Variants in UBAC2 observed in about 807,000 individuals in gnomAD.
UBAC2 encodes ubiquitin-associated domain-containing protein 2.
UBAC2 carries 26 observed loss-of-function variants against 44.0 expected under a neutral mutation model. The ratio of observed to expected loss-of-function variants is 0.59; its 90% CI spans 0.43 to 0.82. The LOEUF is 0.82. Among genes scored for constraint, UBAC2 ranks in the 40% least tolerant of loss-of-function variants. UBAC2 has a pLI of 0.00. For missense variants in UBAC2, 329 were observed against 419.4 expected (o/e 0.78, Z 1.88); for synonymous variants, 155 against 154.3 (o/e 1.00, Z -0.04).
chr13:99,253,393 A>C (rs2142758245), intron 4 of UBAC2, among the ~76,000 whole-genome samples: 1 of 152,320 alleles, frequency 6.6e-6, no homozygotes, highest in Non-Finnish European at 1.5e-5. Context: ...CGAACAGAAG[A>C]ATTGTACTAA....
chr13:99,317,744 A>C (rs923161038), intron 5 of UBAC2, among the ~76,000 whole-genome samples: 1 of 152,130 alleles, frequency 6.6e-6, no homozygotes, highest in Non-Finnish European at 1.5e-5. Flanking sequence ...AAATAACATC[A>C]TACTTGGGTT....
chr13:99,346,755 T>TGCCTGTCTCTCGTGGCACC (rs2044989521), intron 7 of UBAC2, among the ~76,000 whole-genome samples: 1 of 152,200 alleles, frequency 6.6e-6, no homozygotes, highest in Non-Finnish European at 1.5e-5. Context: ...CTGTAGACAC[T>TGCCTGTCTCTCGTGGCACC]GCCTGTCTCT....
chr13:99,347,025 C>G (rs904091483), intron 7 of UBAC2, among the ~76,000 whole-genome samples: 2 of 152,162 alleles, frequency 1.3e-5, no homozygotes, highest in African/African-American at 4.8e-5. Flanking sequence ...CGCCTGTAAT[C>G]CCAGCACTTT....
chr13:99,333,520 G>C (rs2044745848), intron 6 of UBAC2, among the ~76,000 whole-genome samples: 1 of 152,200 alleles, frequency 6.6e-6, no homozygotes, highest in Non-Finnish European at 1.5e-5. Flanking sequence ...ACAGTACTAT[G>C]TGCCAGACAC....
At chr13:99,324,511 T>G (rs1594128236) in intron 6 of UBAC2, among the ~76,000 whole-genome samples, 1 of 152,350 alleles carries the variant, frequency 6.6e-6, no homozygotes, top group Middle Eastern at 3.4e-3. Flanking sequence ...AGGAAAGAAA[T>G]CTTTGTTATA....
intron 4 of UBAC2, among the ~76,000 whole-genome samples, chr13:99,245,992 C>T (rs1233572922): frequency 6.6e-6 from 1 of 152,124 alleles, no homozygotes; most frequent in South Asian, 2.1e-4. Context: ...AATATAGATA[C>T]CAGATATTTA....
At chr13:99,233,749 A>G (rs549164448) in intron 1 of UBAC2, among the ~76,000 whole-genome samples, 3 of 152,218 alleles carry the variant, frequency 2.0e-5, no homozygotes, top group Non-Finnish European at 4.4e-5. Context: ...AGAATTATCA[A>G]AATTATCATT....
intron 1 of UBAC2, among the ~76,000 whole-genome samples, chr13:99,208,204 T>C (rs531123821): frequency 6.6e-6 from 1 of 151,790 alleles, no homozygotes. Context: ...TCCATGTTGG[T>C]CAGGCTGGTC....
At chr13:99,316,567 A>G (rs892347179) in intron 5 of UBAC2, among the ~76,000 whole-genome samples, 4 of 152,298 alleles carry the variant, frequency 2.6e-5, no homozygotes, top group South Asian at 2.1e-4. Flanking sequence ...CAAGCCATCC[A>G]ATACTTAAAT....
chr13:99,317,669 G>A (rs2044510844), intron 5 of UBAC2, among the ~76,000 whole-genome samples: 1 of 152,048 alleles, frequency 6.6e-6, no homozygotes, highest in African/African-American at 2.4e-5. Context: ...TACCTGTTTT[G>A]TATGTTGTTA....
intron 4 of UBAC2, among the ~76,000 whole-genome samples, chr13:99,304,231 A>G (rs1409497219): frequency 6.6e-6 from 1 of 151,474 alleles, no homozygotes; most frequent in African/African-American, 2.4e-5. Flanking sequence ...TTCCCTCACA[A>G]CTCTGTGCCC....
chr13:99,201,529 A>T (rs772736453), intron 1 of UBAC2: 2 of 1,614,164 alleles, frequency 1.2e-6, no homozygotes, highest in African/African-American at 1.3e-5. Context: ...GTGCTGCTGG[A>T]TGTTGCTGTT....
chr13:99,232,525 A>C (rs1261258155), intron 1 of UBAC2, among the ~76,000 whole-genome samples: 1 of 151,608 alleles, frequency 6.6e-6, no homozygotes, highest in African/African-American at 2.4e-5. Flanking sequence ...TTGTAATGAT[A>C]CTGATACTGT....
intron 4 of UBAC2, among the ~76,000 whole-genome samples, chr13:99,262,281 A>C (rs1026148876): frequency 2.6e-5 from 4 of 152,250 alleles, no homozygotes; most frequent in South Asian, 2.1e-4. Flanking sequence ...GGAAAAAAAT[A>C]GTAAGTATAG....
intron 7 of UBAC2, among the ~76,000 whole-genome samples, chr13:99,343,327 A>G (rs1013267251): frequency 9.2e-5 from 14 of 151,940 alleles, no homozygotes; most frequent in African/African-American, 3.1e-4. Context: ...ACGGACCCCC[A>G]TTGTGGTTCT....
Position 99,340,306 on chromosome 13 carries a change from C to T in UBAC2, c.562-14C>T, listed in dbSNP as rs761869836. 20 of 1,611,508 alleles carry T rather than the reference C, an allele frequency of 1.2e-5. No individual in the cohort carries two copies. Among genetic ancestry groups the T allele is most frequent in the African/African-American group, 4.0e-5 (3 of 74,776 alleles). ...ACTACATTTAAACAATCACATTGGACGTTTTTCTTCTAGATGTCCGGTCTG... is the reference window on the plus strand; with the variant it reads ...ACTACATTTAAACAATCACATTGGATGTTTTTCTTCTAGATGTCCGGTCTG... On this transcript the variant is annotated splice_polypyrimidine_tract_variant and intron_variant, in intron 6 of 8. Transcript: ENST00000403766.
At position 99,285,584 on chromosome 13, in the gene UBAC2, G is replaced by A. The variant is rs183870026; in HGVS notation, c.390-28513G>A. ...ATTCTTAATTTTTTATAGAGACAAC[G>A]TCTCGTTATGTTGCCCAGGCTGGTC... On this transcript the variant is annotated intron_variant, in intron 4 of 8. Coordinates refer to ENST00000403766, the MANE Select transcript of UBAC2 (RefSeq NM_001144072.2). Among the ~76,000 whole-genome samples, 12 of 151,924 alleles carry A rather than the reference G, an allele frequency of 7.9e-5. No individual in the cohort carries two copies. The East Asian group carries it at 1.4e-3, about 17-fold the overall frequency.
intron 6 of UBAC2, among the ~76,000 whole-genome samples, chr13:99,326,680 T>G (rs2044644472): frequency 6.6e-6 from 1 of 152,178 alleles, no homozygotes; most frequent in Non-Finnish European, 1.5e-5. Context: ...AGGCTGAGTT[T>G]CAGGTTGCAT....
intron 6 of UBAC2, among the ~76,000 whole-genome samples, chr13:99,320,071 C>G (rs1291115391): frequency 6.6e-6 from 1 of 152,144 alleles, no homozygotes; most frequent in African/African-American, 2.4e-5. Flanking sequence ...TGTCCCCTTC[C>G]TTAGTAACTC....
Sources: gnomAD v4.1 joint callset for allele counts (sites outside exome capture counted in the v4.1 genomes callset) on GRCh38, gnomAD v4.1.1 for gene constraint, MANE v1.5 for transcripts, NCBI Gene and HGNC (gene_info 2026-07-23, HGNC 2026-07-21) for gene names.